Variants in KCNIP4 observed in about 807,000 individuals in gnomAD.
KCNIP4 encodes Kv channel-interacting protein 4.
A neutral mutation model predicts 34.0 loss-of-function variants in KCNIP4; 12 were observed. That is an observed-to-expected ratio of 0.35 (90% CI 0.23 to 0.57). The LOEUF is 0.57. KCNIP4 is among the 20% of genes least tolerant of loss of function. KCNIP4 has a pLI of 0.83. For synonymous variants in KCNIP4, 124 were observed against 102.2 expected (o/e 1.21, Z -1.29); for missense variants, 238 against 311.7 (o/e 0.76, Z 1.78).
chr4:21,571,307 T>C (rs947577270), intron 1 of KCNIP4, among the ~76,000 whole-genome samples: 6 of 152,252 alleles, frequency 3.9e-5, no homozygotes, highest in Admixed American at 2.6e-4. Flanking sequence ...AGAGGGCGCA[T>C]CTGGGTGAGA....
chr4:21,864,723 T>C (rs1383275052), intron 1 of KCNIP4, among the ~76,000 whole-genome samples: 2 of 152,182 alleles, frequency 1.3e-5, no homozygotes, highest in African/African-American at 4.8e-5. Flanking sequence ...GAATTTAGAT[T>C]TGTCAAAAAG....
At chr4:20,828,035 T>C (rs192528352) in intron 3 of KCNIP4, among the ~76,000 whole-genome samples, 220 of 152,302 alleles carry the variant, frequency 1.4e-3, no homozygotes, top group African/African-American at 4.9e-3. Flanking sequence ...TTTTTCCTTA[T>C]ATAATTTGGG....
intron 3 of KCNIP4, among the ~76,000 whole-genome samples, chr4:20,843,686 C>T (rs1178031350): frequency 1.3e-5 from 2 of 152,100 alleles, no homozygotes; most frequent in Non-Finnish European, 2.9e-5. Context: ...GTGGAGATCG[C>T]GCCACTGCAT....
At chr4:21,550,149 G>C (rs1738455140) in intron 1 of KCNIP4, among the ~76,000 whole-genome samples, 1 of 152,062 alleles carries the variant, frequency 6.6e-6, no homozygotes, top group Non-Finnish European at 1.5e-5. Flanking sequence ...TTACAAAACA[G>C]TCTTTCAAAT....
chr4:21,485,620 G>C (rs1731832837), intron 1 of KCNIP4, among the ~76,000 whole-genome samples: 1 of 152,146 alleles, frequency 6.6e-6, no homozygotes, highest in South Asian at 2.1e-4. Context: ...TCAAGTCTCA[G>C]CTTAAAAGCC....
At chr4:21,614,474 C>T (rs1744426076) in intron 1 of KCNIP4, among the ~76,000 whole-genome samples, 1 of 147,022 alleles carries the variant, frequency 6.8e-6, no homozygotes, top group African/African-American at 2.5e-5. Context: ...AAATATTGAG[C>T]TATATATATA....
chr4:21,106,225 C>T (rs1748518074), intron 1 of KCNIP4, among the ~76,000 whole-genome samples: 2 of 151,154 alleles, frequency 1.3e-5, no homozygotes, highest in South Asian at 4.1e-4. Context: ...CCATCTGGTC[C>T]TGGACTCTTT....
chr4:20,977,809 T>C (rs1467555546), intron 1 of KCNIP4, among the ~76,000 whole-genome samples: 1 of 152,222 alleles, frequency 6.6e-6, no homozygotes, highest in African/African-American at 2.4e-5. Flanking sequence ...ACTCTTGAGA[T>C]GTAAAATGTC....
intron 1 of KCNIP4, among the ~76,000 whole-genome samples, chr4:21,094,054 C>T (rs1348845126): frequency 6.6e-6 from 1 of 151,738 alleles, no homozygotes; most frequent in Non-Finnish European, 1.5e-5. Flanking sequence ...TGTACTCCAG[C>T]CTGGGCGACA....
At position 21,747,845 on chromosome 4, in the gene KCNIP4, T is replaced by G. The variant is rs139718435; in HGVS notation, c.61+200726A>C. On this transcript the variant is annotated intron_variant, in intron 1 of 8. Coordinates refer to ENST00000382152, the MANE Select transcript of KCNIP4 (RefSeq NM_025221.6). ...AACTAAGGTAAAGATCAAGGTGAAC[T>G]CATACTGGATTAGGGTAGGCTCTAA... Among the ~76,000 whole-genome samples the G allele has an allele frequency of 8.8e-3, 1,330 of 151,586 alleles. 19 individuals are homozygous for G. Among genetic ancestry groups the G allele is most frequent in the South Asian group, 0.039 (188 of 4,810 alleles).
At chr4:21,322,402 T>G (rs994010840) in intron 1 of KCNIP4, among the ~76,000 whole-genome samples, 1 of 152,132 alleles carries the variant, frequency 6.6e-6, no homozygotes, top group Non-Finnish European at 1.5e-5. Context: ...ATTACTCCTA[T>G]TAAGTCCAGG....
At position 20,902,700 on chromosome 4, in the gene KCNIP4, A is replaced by G. The variant is rs183952970; in HGVS notation, c.62-19991T>C. 1.2e-4 allele frequency among the ~76,000 whole-genome samples: 18 copies of G among 152,064 alleles called. No homozygotes were observed. In the East Asian group the frequency reaches 3.5e-3, roughly 30 times the overall value. ...ACACCGGGCTAATTTGTGTATTTTT[A>G]GTAGAGACGGGGTTTCACCATGTTG... On this transcript the variant is annotated intron_variant, in intron 1 of 8. Coordinates refer to ENST00000382152, the MANE Select transcript of KCNIP4 (RefSeq NM_025221.6).
At chr4:20,781,798 C>T (rs551709267) in intron 3 of KCNIP4, among the ~76,000 whole-genome samples, 2 of 152,236 alleles carry the variant, frequency 1.3e-5, no homozygotes, top group South Asian at 2.1e-4. Flanking sequence ...CTCATGTCCT[C>T]ACATTTCAAA....
rs565030963 is a variant in KCNIP4 at position 21,320,861 on chromosome 4, C to A, written c.62-438152G>T. 2.0e-5 allele frequency among the ~76,000 whole-genome samples: 3 copies of A among 151,052 alleles called. No individual in the cohort carries two copies. The South Asian group carries it at 6.3e-4, about 32-fold the overall frequency. ...TGGTACGTGCCTGTAATCCCAGCTA[C>A]TCTGAAGGCTGAGGCAGGAAAATTG... On this transcript the variant is annotated intron_variant, in intron 1 of 8. Transcript: ENST00000382152.
At chr4:21,262,650 T>A (rs543894144) in intron 1 of KCNIP4, among the ~76,000 whole-genome samples, 22 of 152,156 alleles carry the variant, frequency 1.4e-4, no homozygotes, top group Non-Finnish European at 2.8e-4. Flanking sequence ...ATTTTTTACT[T>A]CCCTACCACT....
Position 20,729,016 on chromosome 4 carries a change from CAATGT to C in KCNIP4, c.*1061_*1065del, listed in dbSNP as rs1279024391. ...TCTACTAAATCTTGGTAGTAGTTGTCAATGTAATGGAACCACTGGTGCTTTCAAAG... is the reference window on the plus strand; with the variant it reads ...TCTACTAAATCTTGGTAGTAGTTGTCAATGGAACCACTGGTGCTTTCAAAG... On this transcript the variant is annotated 3_prime_UTR_variant, in exon 9 of 9. Coordinates refer to ENST00000382152, the MANE Select transcript of KCNIP4 (RefSeq NM_025221.6). 4 of 152,362 alleles carry C rather than the reference CAATGT, an allele frequency of 2.6e-5. No individual in the cohort carries two copies. Among genetic ancestry groups the C allele is most frequent in the Admixed American group, 2.0e-4 (3 of 15,266 alleles). 9.4% of individuals were successfully genotyped at this position (152,362 alleles called of 1,614,324 possible). A position where few individuals can be genotyped will look rare whatever the true frequency, so the allele number is the denominator to read the frequency against.
At chr4:21,407,310 G>A (rs545514416) in intron 1 of KCNIP4, among the ~76,000 whole-genome samples, 1 of 151,756 alleles carries the variant, frequency 6.6e-6, no homozygotes, top group Non-Finnish European at 1.5e-5. Context: ...AAACCATCCA[G>A]GTTAGCCCTA....
chr4:20,873,881 C>A (rs1193289797), intron 2 of KCNIP4, among the ~76,000 whole-genome samples: 2 of 152,188 alleles, frequency 1.3e-5, no homozygotes, highest in Non-Finnish European at 2.9e-5. Context: ...ACTGGCTAAG[C>A]TTTATCTTTT....
chr4:21,216,082 C>T (rs566524040), intron 1 of KCNIP4, among the ~76,000 whole-genome samples: 9 of 152,276 alleles, frequency 5.9e-5, no homozygotes, highest in African/African-American at 9.6e-5. Flanking sequence ...TGAGCCACCA[C>T]GCCCAGCCCA....
Sources: allele counts gnomAD v4.1 joint callset (sites outside exome capture counted in the v4.1 genomes callset), GRCh38; gene constraint gnomAD v4.1.1; transcripts MANE v1.5; gene names NCBI Gene and HGNC (gene_info 2026-07-23, HGNC 2026-07-21).